The following PRPF6 variants were observed in gnomAD, a reference collection of about 807,000 sequenced individuals.
PRPF6 encodes pre-mRNA processing factor 6.
PRPF6 carries 42 observed loss-of-function variants against 118.3 expected under a neutral mutation model. The observed-to-expected ratio is 0.35, with a 90% CI of 0.28 to 0.46. The LOEUF (loss-of-function observed/expected upper bound fraction) is 0.46. Among genes scored for constraint, PRPF6 ranks in the 20% least tolerant of loss-of-function variants. PRPF6 has a pLI of 1.00. For missense variants in PRPF6, 662 were observed against 1,255.7 expected (o/e 0.53, Z 7.15); for synonymous variants, 481 against 485.1 (o/e 0.99, Z 0.11).
chr20:64,001,477 C>A (rs962726130), intron 9 of PRPF6, among the ~76,000 whole-genome samples: 1 of 152,204 alleles, frequency 6.6e-6, no homozygotes, highest in Non-Finnish European at 1.5e-5. Flanking sequence ...CTGCCTTTTT[C>A]CAGTGTGTGA....
At chr20:64,021,138 CAT>C (rs1491520459) in intron 12 of PRPF6, among the ~76,000 whole-genome samples, 1 of 152,060 alleles carries the variant, frequency 6.6e-6, no homozygotes, top group African/African-American at 2.4e-5. Flanking sequence ...GCAGTTACAG[CAT>C]GTGTGTGTGT....
In PRPF6 at chr20:64,032,255, G is replaced by A. The variant is rs180889130; in HGVS notation, c.2673+211G>A. Among the ~76,000 whole-genome samples the A allele has an allele frequency of 1.2e-3, 176 of 152,352 alleles. No homozygotes were observed. In the Middle Eastern group the frequency reaches 0.014, roughly 12 times the overall value. ...TCCGTTTTCTGGTTATAGCCTCACA[G>A]CTCCACACCCTGGAATTGAGGCACC... is the stretch of plus-strand genomic sequence containing the variant. On this transcript the variant is annotated intron_variant, in intron 20 of 20. Transcript: ENST00000266079.
intron 9 of PRPF6, 104 bp downstream of exon 9, chr20:64,001,343 C>A: frequency 7.2e-7 from 1 of 1,384,582 alleles, no homozygotes; most frequent in South Asian, 1.2e-5. Flanking sequence ...GATAAGGAAC[C>A]AGGGACATTT....
At chr20:63,997,485 C>T (rs1433004094) in intron 6 of PRPF6, among the ~76,000 whole-genome samples, 2 of 150,152 alleles carry the variant, frequency 1.3e-5, no homozygotes, top group Non-Finnish European at 3.0e-5. Context: ...GAGACGGAGC[C>T]TGGCACCGTC....
intron 12 of PRPF6, among the ~76,000 whole-genome samples, chr20:64,021,540 C>T (rs1045368561): frequency 5.4e-5 from 8 of 146,920 alleles, no homozygotes; most frequent in Non-Finnish European, 1.2e-4. Flanking sequence ...TCAGCCACAG[C>T]CCCGTGTCTG....
At position 64,028,895 on chromosome 20, in the gene PRPF6, T is replaced by C. The variant is rs1000616662; in HGVS notation, c.2431+326T>C. Among the ~76,000 whole-genome samples the C allele has an allele frequency of 6.6e-6, 1 of 152,180 alleles. No individual in the cohort carries two copies. The highest frequency in any genetic ancestry group is 1.5e-5 in the Non-Finnish European group (1 of 68,038). On this transcript the variant is annotated intron_variant, in intron 18 of 20. Transcript: ENST00000266079. This position sits in a 1 kb window ranked among gnomAD's most constrained non-coding sequence, Gnocchi z 6.5. ...AAAGAAATTGGCCAGGTGTGGTGGC[T>C]CATGCCTGTAATCTCAGCACTTTGA...
At chr20:64,015,817 T>C (rs1601526055) in intron 11 of PRPF6, among the ~76,000 whole-genome samples, 1 of 152,254 alleles carries the variant, frequency 6.6e-6, no homozygotes, top group Non-Finnish European at 1.5e-5. Flanking sequence ...TTAGAATAGT[T>C]TAATTAGCAT....
Position 64,026,187 on chromosome 20 carries a change from T to C in PRPF6, c.2028+129T>C. On this transcript the variant is annotated intron_variant, in intron 15 of 20. Coordinates refer to ENST00000266079, the MANE Select transcript of PRPF6 (RefSeq NM_012469.4). The surrounding 1 kb of genome is among the most constrained non-coding windows in gnomAD (Gnocchi z 4.4). ...AACGAGACCACAGCACACTCATCTTTGTGATGTGACTAAAACATTCATGTG... is the reference window on the plus strand; with the variant it reads ...AACGAGACCACAGCACACTCATCTTCGTGATGTGACTAAAACATTCATGTG... 1 of 1,490,246 alleles carries C rather than the reference T, an allele frequency of 6.7e-7. No individual in the cohort carries two copies. Among genetic ancestry groups the C allele is most frequent in the South Asian group, 1.2e-5 (1 of 85,330 alleles). The allele number at this position is 1,490,246 out of a possible 1,614,324, so 92.3% of individuals were successfully genotyped here.
At position 64,011,828 on chromosome 20, in the gene PRPF6, AATGATACACCTAC is replaced by A. The variant is rs2059218939; in HGVS notation, c.1524+326_1524+338del. 8.9e-6 allele frequency among the ~76,000 whole-genome samples: 1 copy of A among 112,738 alleles called. No individual in the cohort carries two copies. The highest frequency in any genetic ancestry group is 1.9e-5 in the Non-Finnish European group (1 of 53,446). 74.0% of individuals were successfully genotyped at this position (112,738 alleles called of 152,430 possible). A position where few individuals can be genotyped will look rare whatever the true frequency, so the allele number is the denominator to read the frequency against. On this transcript the variant is annotated intron_variant, in intron 11 of 20. Transcript: ENST00000266079. This position sits in a 1 kb window ranked among gnomAD's most constrained non-coding sequence, Gnocchi z 6.7. ...CATGGCTTCTTTCTTTGCTAGTAGA[AATGATACACCTAC>A]GAGAGGAGGACAGGAAGTCTCACGG...
Position 64,024,669 on chromosome 20 carries a change from G to A in PRPF6, c.1884G>A (p.Arg628=). ...TGGCAGGGGATGTGCCTGCAGCAAG[G>A]AGCATCCTGGCCCTGGCCTTCCAGG... is the stretch of plus-strand genomic sequence containing the variant. ...KWLAGDVPAA[R]SILALAFQAN... Residue 628 remains arginine (R), a synonymous_variant, in exon 14 of 21, where the codon AGG becomes AGA. Transcript: ENST00000266079. The A allele has an allele frequency of 1.9e-6, 3 of 1,613,222 alleles. No homozygotes were observed. The highest frequency in any genetic ancestry group is 2.5e-6 in the Non-Finnish European group (3 of 1,179,946).
intron 1 of PRPF6, among the ~76,000 whole-genome samples, chr20:63,981,780 A>G (rs1423747433): frequency 6.6e-6 from 1 of 150,792 alleles, no homozygotes; most frequent in Non-Finnish European, 1.5e-5. Context: ...TTGATGAGGA[A>G]CACTACTGGG....
At chr20:63,988,083 AGTGAGGTGGGTGG>A (rs2059102631) in intron 3 of PRPF6, among the ~76,000 whole-genome samples, 1 of 151,464 alleles carries the variant, frequency 6.6e-6, no homozygotes, top group Admixed American at 6.6e-5. Flanking sequence ...ACCTTGGGAG[AGTGAGGTGGGTGG>A]ATCACTTGAG....
intron 3 of PRPF6, among the ~76,000 whole-genome samples, chr20:63,989,240 T>C (rs192964637): frequency 6.6e-6 from 1 of 152,178 alleles, no homozygotes; most frequent in Admixed American, 6.5e-5. Flanking sequence ...AAAATCAAAT[T>C]AAAAGACTTT....
intron 11 of PRPF6, among the ~76,000 whole-genome samples, chr20:64,013,659 T>G (rs550847979): frequency 3.3e-5 from 5 of 152,054 alleles, no homozygotes; most frequent in Non-Finnish European, 7.4e-5. Context: ...AGGCTGGTCT[T>G]AAACTCCTGG....
intron 9 of PRPF6, 120 bp downstream of exon 9, chr20:64,001,359 G>T: frequency 7.9e-7 from 1 of 1,261,372 alleles, no homozygotes. Flanking sequence ...CATTTTTCAG[G>T]CCTTTTCTCA....
chr20:64,031,413 A>G (rs2059313103), intron 19 of PRPF6, among the ~76,000 whole-genome samples: 1 of 152,228 alleles, frequency 6.6e-6, no homozygotes, highest in Non-Finnish European at 1.5e-5. Flanking sequence ...GCGGTGGCTC[A>G]TGCCTATAAT....
At chr20:63,993,270 A>ATG (rs1569213321) in intron 3 of PRPF6, 137 bp from the exon 4 acceptor site, 23 of 222,470 alleles carry the variant, frequency 1.0e-4, no homozygotes, top group African/African-American at 3.9e-4. Flanking sequence ...GTGTATATGT[A>ATG]TATATATATA....
At position 63,999,122 on chromosome 20, in the gene PRPF6, A is replaced by G. The variant is rs2123019385; in HGVS notation, c.849A>G (p.Thr283=). The G allele has an allele frequency of 6.2e-7, 1 of 1,613,948 alleles. No homozygotes were observed. Among genetic ancestry groups the G allele is most frequent in the South Asian group, 1.1e-5 (1 of 90,994 alleles). The part of the protein sequence containing the change: ...YLTDLNSMIP[T]HGGDINDIKK... ...CGGATTTAAATTCCATGATCCCGACACACGGAGGAGACATCAAGTGAGTGC... is the reference window on the plus strand; with the variant it reads ...CGGATTTAAATTCCATGATCCCGACGCACGGAGGAGACATCAAGTGAGTGC... The change falls in exon 7 of 21, where the codon ACA becomes ACG. Residue 283 remains threonine, a synonymous_variant. Coordinates refer to ENST00000266079, the MANE Select transcript of PRPF6 (RefSeq NM_012469.4).
chr20:64,009,845 T>G (rs1032662345), intron 9 of PRPF6, among the ~76,000 whole-genome samples: 1 of 152,240 alleles, frequency 6.6e-6, no homozygotes, highest in Non-Finnish European at 1.5e-5. Flanking sequence ...TAGTTTTGCC[T>G]CTTTTCAGAC....
Sources: gnomAD v4.1 joint callset for allele counts (sites outside exome capture counted in the v4.1 genomes callset) on GRCh38, gnomAD v4.1.1 for gene constraint, Gnocchi (gnomAD v3.1) non-coding constraint, MANE v1.5 for transcripts, NCBI Gene and HGNC (gene_info 2026-07-23, HGNC 2026-07-21) for gene names.